NT5DC3: variants seen among roughly 807,000 people sequenced by gnomAD.
NT5DC3 encodes the protein 5'-nucleotidase domain containing 3.
Under a neutral mutation model 67.8 loss-of-function variants are expected in NT5DC3, and 42 were observed. The ratio of observed to expected loss-of-function variants is 0.62; its 90% CI spans 0.48 to 0.80. NT5DC3 has a LOEUF of 0.80. Among genes scored for constraint, NT5DC3 ranks in the 30% least tolerant of loss-of-function variants. The pLI, the probability that NT5DC3 is intolerant of heterozygous loss-of-function variation, is 0.00. For missense variants in NT5DC3, 570 were observed against 696.4 expected (o/e 0.82, Z 2.04); for synonymous variants, 237 against 255.6 (o/e 0.93, Z 0.69).
intron 1 of NT5DC3, among the ~76,000 whole-genome samples, chr12:103,838,803 A>G (rs1248212585): frequency 1.3e-5 from 2 of 152,264 alleles, no homozygotes; most frequent in Non-Finnish European, 2.9e-5. Context: ...TACAATACAC[A>G]TAACACTGGA....
At position 103,835,002 on chromosome 12, in the gene NT5DC3, T is replaced by C. The variant is rs548952343; in HGVS notation, c.208+5947A>G. Among the ~76,000 whole-genome samples the C allele has an allele frequency of 1.5e-3, 235 of 152,324 alleles. 2 individuals carry two copies. The highest frequency in any genetic ancestry group is 8.1e-3 in the South Asian group (39 of 4,834). On this transcript the variant is annotated intron_variant, in intron 1 of 13. Transcript: ENST00000392876. Reference sequence around the variant, plus strand: ...CTCAAGGGTCAGCCTCAGAGACACATTTCCCGCATCCCTGAGCCCCTGGGC... The same window carrying C: ...CTCAAGGGTCAGCCTCAGAGACACACTTCCCGCATCCCTGAGCCCCTGGGC...
chr12:103,764,928 T>C, the NT5DC3 span, among the ~76,000 whole-genome samples: 1 of 118,540 alleles, frequency 8.4e-6, no homozygotes, highest in Non-Finnish European at 1.8e-5. Context: ...TGAAATCCCA[T>C]GTCTACTAAA....
At chr12:103,828,700 TTA>T (rs1380181690) in intron 1 of NT5DC3, among the ~76,000 whole-genome samples, 4,616 of 145,268 alleles carry the variant, frequency 0.032, 162 homozygotes, top group Middle Eastern at 0.038. Flanking sequence ...TTCTTTCTTT[TTA>T]TTTTTTTTTT....
At position 103,787,360 on chromosome 12, in the gene NT5DC3, CA is replaced by C. The variant is rs1417309782; in HGVS notation, c.1188+80del. The C allele has an allele frequency of 6.2e-6, 4 of 645,420 alleles. No homozygotes were observed. In the East Asian group the frequency reaches 1.2e-4, roughly 19 times the overall value. 40.0% of individuals were successfully genotyped at this position (645,420 alleles called of 1,614,324 possible). A position where few individuals can be genotyped will look rare whatever the true frequency, so the allele number is the denominator to read the frequency against. ...AAGATATATTCTTAAATAAAAGGTA[CA>C]TCCTTAAATAAAAGATACATTCTTT... On this transcript the variant is annotated intron_variant, in intron 11 of 13. Coordinates refer to ENST00000392876, the MANE Select transcript of NT5DC3 (RefSeq NM_001031701.3).
chr12:103,820,246 T>C lies in NT5DC3; in HGVS notation c.209-5125A>G, dbSNP rs115540329. ...GTTCAAATCCTCGTTTCCAATCTTT[T>C]TGGGTGCATACCTAGAAGGGGAATT... On this transcript the variant is annotated intron_variant, in intron 1 of 13. Transcript: ENST00000392876. Among the ~76,000 whole-genome samples the C allele has an allele frequency of 5.1e-3, 775 of 152,340 alleles. 3 individuals are homozygous for C. Among genetic ancestry groups the C allele is most frequent in the African/African-American group, 0.018 (750 of 41,580 alleles).
chr12:103,832,280 G>A (rs1887965874), intron 1 of NT5DC3, among the ~76,000 whole-genome samples: 1 of 151,858 alleles, frequency 6.6e-6, no homozygotes, highest in South Asian at 2.1e-4. Flanking sequence ...GTTTCCACAT[G>A]TCTTTAAGAG....
chr12:103,793,265 C>A lies in NT5DC3; in HGVS notation c.918G>T (p.Val306=). The A allele has an allele frequency of 6.2e-7, 1 of 1,607,150 alleles. No individual in the cohort carries two copies. Among genetic ancestry groups the A allele is most frequent in the African/African-American group, 1.3e-5 (1 of 74,686 alleles). The part of the protein sequence containing the change: ...FLITNSPSSF[V]DKGMSYIVGK... ...CAACGATATAACTCATCCCTTTGTC[C>A]CTAGGGCAACAAGTCAGCCAGGTTA... The change falls in exon 9 of 14, where the codon GTG becomes GTT. Residue 306 remains valine, a splice_region_variant and synonymous_variant. Coordinates refer to ENST00000392876, the MANE Select transcript of NT5DC3 (RefSeq NM_001031701.3).
the NT5DC3 span, chr12:103,758,036 G>A: frequency 7.5e-7 from 1 of 1,326,974 alleles, no homozygotes; most frequent in Admixed American, 2.2e-5. Context: ...AGAAGACACA[G>A]CAAAGGAGCA....
At position 103,780,284 on chromosome 12, in the gene NT5DC3, T is replaced by G; in HGVS notation, c.1394+16A>C. The G allele has an allele frequency of 6.2e-7, 1 of 1,610,764 alleles. No individual in the cohort carries two copies. Among genetic ancestry groups the G allele is most frequent in the Non-Finnish European group, 8.5e-7 (1 of 1,176,896 alleles). On this transcript the variant is annotated intron_variant, in intron 13 of 13. Transcript: ENST00000392876. Reference sequence around the variant, plus strand: ...CAGGGTGGTGGACGCGCACATTCAATACAGGCCTCTCTTACCGCATCTCCT... The same window carrying G: ...CAGGGTGGTGGACGCGCACATTCAAGACAGGCCTCTCTTACCGCATCTCCT...
At chr12:103,793,314 G>C (rs1866296) in intron 8 of NT5DC3, 49 bp from the exon 9 acceptor site, 1 of 1,544,720 alleles carries the variant, frequency 6.5e-7, no homozygotes, top group Non-Finnish European at 8.9e-7. Flanking sequence ...GAGATTAACT[G>C]TGTCTGTAAC....
chr12:103,761,843 A>G, the NT5DC3 span, among the ~76,000 whole-genome samples: 1 of 152,290 alleles, frequency 6.6e-6, no homozygotes, highest in Non-Finnish European at 1.5e-5. Flanking sequence ...CCCCTGACAC[A>G]CAGTACATGC....
At chr12:103,746,774 C>G in the NT5DC3 span, 1 of 1,491,608 alleles carries the variant, frequency 6.7e-7, no homozygotes, top group Non-Finnish European at 9.3e-7. Flanking sequence ...GCTCACAGTG[C>G]CTGGGCTTCA....
chr12:103,777,821 G>T lies in NT5DC3; in HGVS notation c.*8C>A, dbSNP rs777654493. The stretch of plus-strand genomic sequence containing the variant: ...GGGGCAGTTACAGTTTCTAGTTTTT[G>T]CCCTTGGCTACTTGGCCTGGGCCTC... On this transcript the variant is annotated 3_prime_UTR_variant, in exon 14 of 14. Coordinates refer to ENST00000392876, the MANE Select transcript of NT5DC3 (RefSeq NM_001031701.3). 1.2e-5 allele frequency: 20 copies of T among 1,604,614 alleles called. No individual in the cohort carries two copies. The highest frequency in any genetic ancestry group is 1.7e-5 in the Non-Finnish European group (20 of 1,176,136).
At chr12:103,783,979 G>C (rs7311554) in intron 12 of NT5DC3, among the ~76,000 whole-genome samples, 18,882 of 152,092 alleles carry the variant, frequency 0.12, 2,698 homozygotes, top group African/African-American at 0.35. Context: ...ATGGACTTGG[G>C]GACTTGGTTC....
chr12:103,794,489 C>G (rs1481611331), intron 6 of NT5DC3, among the ~76,000 whole-genome samples: 2 of 152,130 alleles, frequency 1.3e-5, no homozygotes, highest in Non-Finnish European at 2.9e-5. Context: ...TTGTGAAAGC[C>G]AAAGTTTCCA....
chr12:103,815,186 G>GA (rs899492250), intron 1 of NT5DC3, 65 bp from the exon 2 acceptor site: 76 of 1,014,494 alleles, frequency 7.5e-5, no homozygotes, highest in Middle Eastern at 6.4e-4. Context: ...GATTCCTAAA[G>GA]AAAAAAAATG....
At chr12:103,802,640 C>A (rs2139376798) in intron 4 of NT5DC3, among the ~76,000 whole-genome samples, 1 of 152,236 alleles carries the variant, frequency 6.6e-6, no homozygotes, top group African/African-American at 2.4e-5. Context: ...TGAGCCAAGC[C>A]AGAGAGGAAG....
chr12:103,797,299 G>A (rs1318908620), intron 5 of NT5DC3, among the ~76,000 whole-genome samples: 7 of 151,874 alleles, frequency 4.6e-5, no homozygotes, highest in African/African-American at 1.2e-4. Flanking sequence ...GTGAAACCCC[G>A]TCTCTACTAA....
the NT5DC3 span, among the ~76,000 whole-genome samples, chr12:103,757,529 G>A: frequency 6.6e-6 from 1 of 152,252 alleles, no homozygotes; most frequent in African/African-American, 2.4e-5. Context: ...AGTGGAGCAG[G>A]GCTTGGGGGG....
Sources: allele counts gnomAD v4.1 joint callset (sites outside exome capture counted in the v4.1 genomes callset), GRCh38; gene constraint gnomAD v4.1.1; transcripts MANE v1.5; gene names NCBI Gene and HGNC (gene_info 2026-07-23, HGNC 2026-07-21).